Variants in CNTNAP2 observed in about 807,000 individuals in gnomAD.
CNTNAP2 encodes the protein contactin-associated protein-like 2.
Under a neutral mutation model 155.2 loss-of-function variants are expected in CNTNAP2, and 98 were observed. That is an observed-to-expected ratio of 0.63 (90% CI 0.54 to 0.75). CNTNAP2 has a LOEUF of 0.75. Among genes scored for constraint, CNTNAP2 ranks in the 30% least tolerant of loss-of-function variants. CNTNAP2 has a pLI of 0.00. For synonymous variants in CNTNAP2, 651 were observed against 631.2 expected, an observed-to-expected ratio of 1.03 and a Z score of -0.47; for missense variants, 1,727 against 1,688.1, an observed-to-expected ratio of 1.02 and a Z score of -0.40.
intron 3 of CNTNAP2, among the ~76,000 whole-genome samples, chr7:147,038,092 G>C (rs1799190779): frequency 6.6e-6 from 1 of 152,094 alleles, no homozygotes; most frequent in Admixed American, 6.6e-5. Flanking sequence ...GAATTCAAGG[G>C]TTACAGTTAG....
At chr7:147,454,067 G>A (rs959853850) in intron 10 of CNTNAP2, among the ~76,000 whole-genome samples, 2 of 152,098 alleles carry the variant, frequency 1.3e-5, no homozygotes, top group African/African-American at 2.4e-5. Context: ...TAGACATAGA[G>A]TTTTACATCA....
intron 18 of CNTNAP2, among the ~76,000 whole-genome samples, chr7:148,216,890 A>G (rs1795648271): frequency 6.6e-6 from 1 of 152,118 alleles, no homozygotes; most frequent in Non-Finnish European, 1.5e-5. Context: ...TGATGGTTTT[A>G]TAAATGGGAG....
chr7:147,793,499 TG>T (rs1235317114), intron 13 of CNTNAP2, among the ~76,000 whole-genome samples: 1 of 152,130 alleles, frequency 6.6e-6, no homozygotes, highest in Non-Finnish European at 1.5e-5. Flanking sequence ...ACCATAACTC[TG>T]AGAGTATATT....
At chr7:147,260,826 T>C (rs1804447943) in intron 8 of CNTNAP2, among the ~76,000 whole-genome samples, 3 of 152,202 alleles carry the variant, frequency 2.0e-5, no homozygotes, top group Admixed American at 2.0e-4. Context: ...TGATAGTGAT[T>C]CTCAAAATGT....
At position 148,415,513 on chromosome 7, in the gene CNTNAP2, CA is replaced by C. The variant is rs751358194; in HGVS notation, c.3896del (p.Lys1299ArgfsTer14). On this transcript the variant is annotated frameshift_variant, in exon 24 of 24. Coordinates refer to ENST00000361727, the MANE Select transcript of CNTNAP2 (RefSeq NM_014141.6). LOFTEE classifies it high-confidence loss of function. ...AAGGGCACCTACCATACCAACGAAG[CA>C]AAGGGGGCGGAGTCGGCAGAGAGCG... ...RHKGTYHTNE[A>X]KGAESAESAD... is the part of the protein sequence containing the mutation. The C allele has an allele frequency of 6.2e-7, 1 of 1,614,234 alleles. No individual in the cohort carries two copies. Among genetic ancestry groups the C allele is most frequent in the Non-Finnish European group, 8.5e-7 (1 of 1,180,050 alleles).
rs140355809 is a variant in CNTNAP2, at chr7:146,419,845, C to T, written c.97+302872C>T. ...TTCTTTGAAAGATGACTGAAGTCTA[C>T]ATATTTTATGCCCCTAACTACTATG... On this transcript the variant is annotated intron_variant, in intron 1 of 23. Transcript: ENST00000361727. Among the ~76,000 whole-genome samples, 622 of 152,198 alleles carry T rather than the reference C, an allele frequency of 4.1e-3. 5 individuals are homozygous for T. Among genetic ancestry groups the T allele is most frequent in the African/African-American group, 0.014 (565 of 41,544 alleles).
At chr7:146,289,617 C>T (rs1171978834) in intron 1 of CNTNAP2, among the ~76,000 whole-genome samples, 1 of 152,178 alleles carries the variant, frequency 6.6e-6, no homozygotes, top group South Asian at 2.1e-4. Context: ...TGCATGGGTA[C>T]TCATTATTAA....
chr7:147,202,913 A>G (rs1802951315), intron 8 of CNTNAP2, among the ~76,000 whole-genome samples: 1 of 151,580 alleles, frequency 6.6e-6, no homozygotes, highest in African/African-American at 2.4e-5. Context: ...TGTTATGGAC[A>G]CATTTCCAGA....
intron 1 of CNTNAP2, among the ~76,000 whole-genome samples, chr7:146,405,904 G>T (rs529684181): frequency 1.3e-5 from 2 of 152,262 alleles, no homozygotes; most frequent in African/African-American, 4.8e-5. Flanking sequence ...CTTTTGTCAC[G>T]ATGACAACTG....
intron 22 of CNTNAP2, chr7:148,389,785 A>G (rs1194934285): frequency 3.3e-5 from 5 of 152,214 alleles, no homozygotes; most frequent in African/African-American, 9.6e-5. Flanking sequence ...CTTCTCTGCA[A>G]TTGCCTTTTG....
At chr7:147,671,610 A>G (rs890975212) in intron 13 of CNTNAP2, 4 of 152,178 alleles carry the variant, frequency 2.6e-5, no homozygotes, top group Admixed American at 2.6e-4. Flanking sequence ...ATGTTCCCCA[A>G]ATTGTTTCCA....
At chr7:146,800,791 A>C (rs181442351) in intron 2 of CNTNAP2, among the ~76,000 whole-genome samples, 1 of 152,110 alleles carries the variant, frequency 6.6e-6, no homozygotes, top group African/African-American at 2.4e-5. Flanking sequence ...ACTAGATATA[A>C]TCTCCCATAG....
intron 7 of CNTNAP2, among the ~76,000 whole-genome samples, chr7:147,131,839 C>G (rs1468008662): frequency 6.6e-6 from 1 of 151,918 alleles, no homozygotes; most frequent in Non-Finnish European, 1.5e-5. Context: ...TGGCATTGAC[C>G]ACCCAGAATA....
At chr7:147,899,166 C>A (rs990925554) in intron 13 of CNTNAP2, among the ~76,000 whole-genome samples, 1 of 152,022 alleles carries the variant, frequency 6.6e-6, no homozygotes, top group Non-Finnish European at 1.5e-5. Context: ...ATGGCAAAAC[C>A]CTTTCTCTGC....
At chr7:146,258,870 A>G (rs1412262328) in intron 1 of CNTNAP2, among the ~76,000 whole-genome samples, 1 of 152,200 alleles carries the variant, frequency 6.6e-6, no homozygotes, top group Non-Finnish European at 1.5e-5. Flanking sequence ...AAAATTACAA[A>G]TAAGCCATGT....
At chr7:147,033,639 TA>T (rs2129251073) in intron 3 of CNTNAP2, among the ~76,000 whole-genome samples, 1 of 152,272 alleles carries the variant, frequency 6.6e-6, no homozygotes, top group East Asian at 1.9e-4. Context: ...TATATTCATT[TA>T]CTTAAGCACA....
intron 15 of CNTNAP2, among the ~76,000 whole-genome samples, chr7:148,104,238 T>C (rs1181639500): frequency 6.6e-6 from 1 of 152,200 alleles, no homozygotes; most frequent in African/African-American, 2.4e-5. Flanking sequence ...GTGAATCTTT[T>C]TATTTCCTGT....
chr7:146,573,063 T>G (rs1798467309), intron 1 of CNTNAP2, among the ~76,000 whole-genome samples: 2 of 152,162 alleles, frequency 1.3e-5, no homozygotes, highest in South Asian at 4.1e-4. Flanking sequence ...ATGCGTCTCT[T>G]TGGGTCCTTC....
intron 10 of CNTNAP2, among the ~76,000 whole-genome samples, chr7:147,462,646 G>A (rs1444688285): frequency 2.6e-5 from 4 of 152,220 alleles, no homozygotes; most frequent in Non-Finnish European, 5.9e-5. Flanking sequence ...ATAGTAACCA[G>A]AACTTCCATA....
Sources: allele counts gnomAD v4.1 joint callset (sites outside exome capture counted in the v4.1 genomes callset), GRCh38; gene constraint gnomAD v4.1.1; transcripts MANE v1.5; gene names NCBI Gene and HGNC (gene_info 2026-07-23, HGNC 2026-07-21).